Variants in MS4A4E observed in about 807,000 individuals in gnomAD.
MS4A4E encodes putative membrane-spanning 4-domains subfamily A member 4E.
A neutral mutation model predicts 13.3 loss-of-function variants in MS4A4E; 23 were observed. That is an observed-to-expected ratio of 1.73 (90% CI 1.25 to 2.45). MS4A4E has a LOEUF of 2.45. Among genes scored for constraint, MS4A4E ranks in the 30% most tolerant of loss-of-function variants. The pLI, the probability that MS4A4E is intolerant of heterozygous loss-of-function variation, is 0.00. For synonymous variants in MS4A4E, 36 were observed against 45.6 expected, an observed-to-expected ratio of 0.79 and a Z score of 0.85; for missense variants, 144 against 131.2, an observed-to-expected ratio of 1.10 and a Z score of -0.48.
At chr11:60,220,774 C>T (rs1464066437) in intron 3 of MS4A4E, among the ~76,000 whole-genome samples, 1 of 152,126 alleles carries the variant, frequency 6.6e-6, no homozygotes, top group Non-Finnish European at 1.5e-5. Flanking sequence ...GTATTTGCCC[C>T]CACCCCCTAC....
At chr11:60,232,138 T>C (rs887393028) in intron 1 of MS4A4E, among the ~76,000 whole-genome samples, 2 of 152,064 alleles carry the variant, frequency 1.3e-5, no homozygotes, top group African/African-American at 2.4e-5. Flanking sequence ...TCACCAAGAA[T>C]TCTACAGAAA....
chr11:60,232,503 G>A (rs2084425106), intron 1 of MS4A4E, among the ~76,000 whole-genome samples: 1 of 152,134 alleles, frequency 6.6e-6, no homozygotes, highest in Non-Finnish European at 1.5e-5. Context: ...TGAGTCAGGA[G>A]GGCCTTCTTC....
At chr11:60,220,369 G>T (rs547092098) in intron 3 of MS4A4E, among the ~76,000 whole-genome samples, 5 of 152,272 alleles carry the variant, frequency 3.3e-5, no homozygotes, top group African/African-American at 9.6e-5. Flanking sequence ...CATTGATTTG[G>T]TAAATGCCTT....
intron 3 of MS4A4E, among the ~76,000 whole-genome samples, chr11:60,219,182 T>G (rs1232633223): frequency 6.6e-6 from 1 of 152,156 alleles, no homozygotes; most frequent in Non-Finnish European, 1.5e-5. Context: ...GAAATAGATT[T>G]GAGAGGGCAG....
chr11:60,241,573 G>A (rs1326112376), intron 1 of MS4A4E, among the ~76,000 whole-genome samples: 1 of 152,090 alleles, frequency 6.6e-6, no homozygotes, highest in Non-Finnish European at 1.5e-5. Flanking sequence ...TTCAAGGCTG[G>A]TGCTCTGTCT....
chr11:60,205,338 C>T (rs2084025783), intron 7 of MS4A4E, among the ~76,000 whole-genome samples: 1 of 151,030 alleles, frequency 6.6e-6, no homozygotes, highest in South Asian at 2.1e-4. Flanking sequence ...AGGATATTAT[C>T]TCTCTTATTC....
chr11:60,207,800 C>T, intron 6 of MS4A4E, among the ~76,000 whole-genome samples: 1 of 152,188 alleles, frequency 6.6e-6, no homozygotes, highest in Non-Finnish European at 1.5e-5. Context: ...CCATTCCTCA[C>T]TTTCCTCTCT....
At chr11:60,241,038 T>G (rs2084542627) in intron 1 of MS4A4E, among the ~76,000 whole-genome samples, 1 of 152,122 alleles carries the variant, frequency 6.6e-6, no homozygotes, top group South Asian at 2.1e-4. Context: ...TATTTATTTA[T>G]TTTGAGGCGG....
At chr11:60,232,435 G>T (rs1244326296) in intron 1 of MS4A4E, among the ~76,000 whole-genome samples, 1 of 152,094 alleles carries the variant, frequency 6.6e-6, no homozygotes, top group African/African-American at 2.4e-5. Context: ...ATGGCTGCAG[G>T]AAGAAGGAGA....
At chr11:60,214,791 A>G (rs2084169824) in intron 3 of MS4A4E, among the ~76,000 whole-genome samples, 177 bp from the exon 4 acceptor site, 1 of 152,180 alleles carries the variant, frequency 6.6e-6, no homozygotes, top group African/African-American at 2.4e-5. Context: ...AAAGAACAGA[A>G]AAATTCTGCC....
At chr11:60,217,356 T>C (rs1182226503) in intron 3 of MS4A4E, among the ~76,000 whole-genome samples, 1 of 152,130 alleles carries the variant, frequency 6.6e-6, no homozygotes, top group Non-Finnish European at 1.5e-5. Flanking sequence ...GGAATGGGGA[T>C]GTGCGGTAGA....
chr11:60,212,331 A>C (rs1407441362), intron 5 of MS4A4E, among the ~76,000 whole-genome samples: 1 of 142,834 alleles, frequency 7.0e-6, no homozygotes, highest in Non-Finnish European at 1.5e-5. Context: ...TTTTTTTGAG[A>C]CAGAGTCTCA....
At position 60,206,111 on chromosome 11, in the gene MS4A4E, G is replaced by C. The variant is rs190062928; in HGVS notation, c.484-291C>G. ...TGAAGGAAAGCAGAAGGAAAAGGAT[G>C]GGGGAGAAGGGCATGAATCTCCACT... On this transcript the variant is annotated intron_variant, in intron 6 of 8. Transcript: ENST00000651255. Among the ~76,000 whole-genome samples the C allele has an allele frequency of 3.9e-3, 586 of 152,128 alleles. 3 individuals are homozygous for C. The highest frequency in any genetic ancestry group is 0.013 in the African/African-American group (523 of 41,478).
chr11:60,211,388 G>T (rs1294964323), intron 5 of MS4A4E, among the ~76,000 whole-genome samples: 1 of 152,300 alleles, frequency 6.6e-6, no homozygotes, highest in East Asian at 1.9e-4. Context: ...CGGTTATTTT[G>T]GTGTGACTAC....
intron 3 of MS4A4E, chr11:60,224,832 G>T: frequency 1.6e-6 from 1 of 644,738 alleles, no homozygotes; most frequent in Non-Finnish European, 2.3e-6. Flanking sequence ...TGAGAAAATT[G>T]AGTTTAAAAA....
chr11:60,202,495 G>C (rs1056763329), intron 8 of MS4A4E, among the ~76,000 whole-genome samples: 1 of 152,170 alleles, frequency 6.6e-6, no homozygotes, highest in Non-Finnish European at 1.5e-5. Flanking sequence ...TTAGATTATA[G>C]TCTTTTTCTT....
chr11:60,230,174 T>C, intron 1 of MS4A4E, 103 bp from the exon 2 acceptor site: 1 of 1,254,866 alleles, frequency 8.0e-7, no homozygotes, highest in Non-Finnish European at 1.1e-6. Flanking sequence ...CTGGTCTACA[T>C]TCCCCTCCAA....
intron 5 of MS4A4E, among the ~76,000 whole-genome samples, 60 bp downstream of exon 5, chr11:60,212,914 G>A (rs1010616620): frequency 2.0e-5 from 3 of 152,158 alleles, no homozygotes; most frequent in Non-Finnish European, 4.4e-5. Flanking sequence ...TGTTGCCAGA[G>A]CCAGCACTCC....
chr11:60,222,070 A>G (rs1211454596), intron 3 of MS4A4E, among the ~76,000 whole-genome samples: 1 of 152,186 alleles, frequency 6.6e-6, no homozygotes, highest in East Asian at 1.9e-4. Context: ...AGCAGCAAAG[A>G]CCAGCACTGA....
Sources: gnomAD v4.1 joint callset for allele counts (sites outside exome capture counted in the v4.1 genomes callset) on GRCh38, gnomAD v4.1.1 for gene constraint, MANE v1.5 for transcripts, NCBI Gene and HGNC (gene_info 2026-07-23, HGNC 2026-07-21) for gene names.